The following C10orf67 variants were observed in gnomAD, a reference collection of about 807,000 sequenced individuals.
C10orf67 encodes the protein uncharacterized protein C10orf67, mitochondrial.
Under a neutral mutation model 35.6 loss-of-function variants are expected in C10orf67, and 60 were observed. The ratio of observed to expected loss-of-function variants is 1.68; its 90% CI spans 1.37 to 2.09. The LOEUF (loss-of-function observed/expected upper bound fraction) is 2.09, where lower values mean the gene tolerates loss of function less well. Among genes scored for constraint, C10orf67 ranks in the 30% most tolerant of loss-of-function variants. The pLI, the probability that C10orf67 is intolerant of heterozygous loss-of-function variation, is 0.00. For missense variants in C10orf67, 474 were observed against 330.2 expected (o/e 1.44, Z -3.38); for synonymous variants, 167 against 115.8 (o/e 1.44, Z -2.84).
At position 23,236,380 on chromosome 10, in the gene C10orf67, C is replaced by T. The variant is rs189263918; in HGVS notation, c.1434+3349G>A. On this transcript the variant is annotated intron_variant, in intron 13 of 15. Transcript: ENST00000636213. The stretch of plus-strand genomic sequence containing the variant: ...CTGGGAGGCGGAAGTTGCAGTGAGA[C>T]GAGATCGTGCCACTGCACTCCAGCC... 4.4e-3 allele frequency among the ~76,000 whole-genome samples: 655 copies of T among 150,420 alleles called. 2 individuals are homozygous for T. Among genetic ancestry groups the T allele is most frequent in the Non-Finnish European group, 6.0e-3 (407 of 67,776 alleles).
intron 2 of C10orf67, among the ~76,000 whole-genome samples, chr10:23,323,351 C>T (rs193102439): frequency 6.6e-6 from 1 of 152,246 alleles, no homozygotes; most frequent in African/African-American, 2.4e-5. Context: ...TTCACTAGGG[C>T]TCCCACCTGT....
chr10:23,302,050 C>G (rs1255551061), intron 5 of C10orf67, among the ~76,000 whole-genome samples: 1 of 151,848 alleles, frequency 6.6e-6, no homozygotes, highest in Non-Finnish European at 1.5e-5. Context: ...GAAAGCTCAG[C>G]TCAAGCCGTA....
chr10:23,246,260 T>C (rs1842313014), intron 12 of C10orf67, among the ~76,000 whole-genome samples: 2 of 152,276 alleles, frequency 1.3e-5, no homozygotes, highest in South Asian at 4.1e-4. Context: ...CTAGGCTGAT[T>C]ACCTGGGTGA....
At chr10:23,256,255 G>A (rs1842598011) in intron 10 of C10orf67, among the ~76,000 whole-genome samples, 1 of 152,066 alleles carries the variant, frequency 6.6e-6, no homozygotes, top group Non-Finnish European at 1.5e-5. Context: ...TCCTGCTTGG[G>A]CCTTCCAAAG....
intron 4 of C10orf67, among the ~76,000 whole-genome samples, chr10:23,304,773 A>G (rs960136148): frequency 2.0e-5 from 3 of 152,090 alleles, no homozygotes; most frequent in African/African-American, 7.2e-5. Context: ...ATACACACTC[A>G]TCTGTGTGTC....
At chr10:23,337,229 T>A (rs1845721683) in intron 1 of C10orf67, among the ~76,000 whole-genome samples, 1 of 152,100 alleles carries the variant, frequency 6.6e-6, no homozygotes, top group Admixed American at 6.5e-5. Context: ...ATCATAAAAG[T>A]GACATTAAGA....
chr10:23,324,635 G>A (rs567941527), intron 2 of C10orf67, among the ~76,000 whole-genome samples: 1 of 152,250 alleles, frequency 6.6e-6, no homozygotes, highest in Admixed American at 6.5e-5. Context: ...AAGCTCCATT[G>A]AAGCCTGCCT....
intron 13 of C10orf67, 121 bp downstream of exon 13, chr10:23,239,608 G>A (rs550360549): frequency 2.0e-6 from 1 of 499,240 alleles, no homozygotes. Context: ...AGCAGTGACT[G>A]CCTTGTACTA....
At chr10:23,287,675 G>A (rs1428257718) in intron 7 of C10orf67, among the ~76,000 whole-genome samples, 2 of 152,178 alleles carry the variant, frequency 1.3e-5, no homozygotes, top group African/African-American at 2.4e-5. Flanking sequence ...TATCATCAGA[G>A]TGAACAGGCA....
intron 10 of C10orf67, among the ~76,000 whole-genome samples, chr10:23,262,845 C>T (rs1053561037): frequency 6.6e-6 from 1 of 152,130 alleles, no homozygotes; most frequent in African/African-American, 2.4e-5. Flanking sequence ...CTCACATTTT[C>T]AATTTTGCTC....
chr10:23,341,601 G>A (rs1845886923), intron 1 of C10orf67, among the ~76,000 whole-genome samples: 1 of 152,106 alleles, frequency 6.6e-6, no homozygotes, highest in African/African-American at 2.4e-5. Context: ...CCATCTCAAA[G>A]TAAAAGCTGA....
At chr10:23,341,854 C>A (rs374175693) in intron 1 of C10orf67, among the ~76,000 whole-genome samples, 9 of 152,188 alleles carry the variant, frequency 5.9e-5, no homozygotes, top group African/African-American at 1.9e-4. Context: ...CTCAGTGAAG[C>A]CTTCCCTGAT....
chr10:23,254,402 G>A lies in C10orf67; in HGVS notation c.1201-3711C>T, dbSNP rs367720880. Reference sequence around the variant, plus strand: ...TTTTTGTACTTTTAGTAGAGACGGGGTTTCACCACGTTGGCCACGCTGGTC... The same window carrying A: ...TTTTTGTACTTTTAGTAGAGACGGGATTTCACCACGTTGGCCACGCTGGTC... On this transcript the variant is annotated intron_variant, in intron 10 of 15. Transcript: ENST00000636213. 4.6e-5 allele frequency among the ~76,000 whole-genome samples: 7 copies of A among 152,162 alleles called. 1 individual carries two copies. Among genetic ancestry groups the A allele is most frequent in the African/African-American group, 1.7e-4 (7 of 41,524 alleles).
chr10:23,291,525 T>C (rs1283550339), intron 5 of C10orf67, among the ~76,000 whole-genome samples: 1 of 152,212 alleles, frequency 6.6e-6, no homozygotes, highest in Non-Finnish European at 1.5e-5. Flanking sequence ...TCATACTGTT[T>C]GTGTGCCCTC....
intron 2 of C10orf67, among the ~76,000 whole-genome samples, chr10:23,331,154 A>G (rs1006958568): frequency 7.8e-6 from 1 of 127,846 alleles, no homozygotes; most frequent in African/African-American, 2.9e-5. Flanking sequence ...GGAACCAGGA[A>G]GGGAAGGGAA....
At chr10:23,204,792 C>G (rs752758128) in intron 15 of C10orf67, among the ~76,000 whole-genome samples, 2 of 152,172 alleles carry the variant, frequency 1.3e-5, no homozygotes, top group East Asian at 1.9e-4. Context: ...CTAACCTCAA[C>G]GTTGGGCTCT....
At chr10:23,291,418 A>G (rs1038578535) in intron 5 of C10orf67, 139 bp from the exon 6 acceptor site, 5 of 580,812 alleles carry the variant, frequency 8.6e-6, no homozygotes, top group African/African-American at 7.5e-5. Context: ...GTAAAAAGGA[A>G]GGAGCCTAAA....
chr10:23,317,013 G>A lies in C10orf67; in HGVS notation c.546+3728C>T, dbSNP rs554768944. ...GGGTTGAAGGTGGAGCTTCACCAGC[G>A]ACACATCCCTTTCCACTCGGGAGCC... is the stretch of plus-strand genomic sequence containing the variant. On this transcript the variant is annotated intron_variant, in intron 4 of 15. Transcript: ENST00000636213. 2.6e-4 allele frequency: 39 copies of A among 152,654 alleles called. No homozygotes were observed. In the South Asian group the frequency reaches 5.4e-3, roughly 21 times the overall value. 9.5% of individuals were successfully genotyped at this position (152,654 alleles called of 1,614,324 possible). A position where few individuals can be genotyped will look rare whatever the true frequency, so the allele number is the denominator to read the frequency against.
At chr10:23,307,442 G>T (rs192505767) in intron 4 of C10orf67, among the ~76,000 whole-genome samples, 9 of 152,082 alleles carry the variant, frequency 5.9e-5, no homozygotes, top group East Asian at 3.9e-4. Flanking sequence ...AGACTAAGAA[G>T]AATAATATAT....
Sources: gnomAD v4.1 joint callset for allele counts (sites outside exome capture counted in the v4.1 genomes callset) on GRCh38, gnomAD v4.1.1 for gene constraint, MANE v1.5 for transcripts, NCBI Gene and HGNC (gene_info 2026-07-23, HGNC 2026-07-21) for gene names.